PTPRN2: variants seen among roughly 807,000 people sequenced by gnomAD.
PTPRN2 encodes protein tyrosine phosphatase receptor type N2.
Under a neutral mutation model 118.8 loss-of-function variants are expected in PTPRN2, and 74 were observed. The ratio of observed to expected loss-of-function variants is 0.62; its 90% CI spans 0.52 to 0.76. PTPRN2 has a LOEUF of 0.76. Among genes scored for constraint, PTPRN2 ranks in the 30% least tolerant of loss-of-function variants. PTPRN2 has a pLI of 0.00. For synonymous variants in PTPRN2, 641 were observed against 608.0 expected (o/e 1.05, Z -0.80); for missense variants, 1,481 against 1,394.4 (o/e 1.06, Z -0.99).
At chr7:158,207,174 T>C (rs1397453981) in intron 3 of PTPRN2, among the ~76,000 whole-genome samples, 1 of 143,986 alleles carries the variant, frequency 6.9e-6, no homozygotes, top group Non-Finnish European at 1.5e-5. Flanking sequence ...TTCCATGGTG[T>C]ATATGTGCCA....
intron 8 of PTPRN2, among the ~76,000 whole-genome samples, chr7:158,136,444 T>C (rs1202174061): frequency 6.6e-6 from 1 of 152,208 alleles, no homozygotes; most frequent in East Asian, 1.9e-4. Context: ...ATAAATTAGG[T>C]TATAATTTGA....
intron 2 of PTPRN2, among the ~76,000 whole-genome samples, chr7:158,384,461 C>G (rs752397557): frequency 2.5e-4 from 38 of 152,170 alleles, no homozygotes; most frequent in Non-Finnish European, 5.4e-4. Context: ...TGACAGTATC[C>G]ACAGTGTGAG....
chr7:157,725,353 ACAGAGGAG>A (rs1799496580), intron 12 of PTPRN2, among the ~76,000 whole-genome samples: 8 of 23,844 alleles, frequency 3.4e-4, no homozygotes, highest in South Asian at 1.9e-3. Context: ...ATATCTACAC[ACAGAGGAG>A]TGTGGCCAGA....
At chr7:158,446,633 A>G (rs960827247) in intron 2 of PTPRN2, among the ~76,000 whole-genome samples, 11 of 152,250 alleles carry the variant, frequency 7.2e-5, no homozygotes, top group East Asian at 1.9e-4. Context: ...TGAAAATCCA[A>G]TGGTCCCTGG....
chr7:157,958,677 A>C (rs1218067121), intron 11 of PTPRN2, among the ~76,000 whole-genome samples: 1 of 152,216 alleles, frequency 6.6e-6, no homozygotes, highest in Non-Finnish European at 1.5e-5. Flanking sequence ...CGAAAGAATA[A>C]AATATTTAGG....
rs373724832 is a variant in PTPRN2 at position 158,510,063 on chromosome 7, C to T, written c.113-20278G>A. 1.4e-3 allele frequency among the ~76,000 whole-genome samples: 210 copies of T among 152,282 alleles called. 5 individuals are homozygous for T. In the South Asian group the frequency reaches 0.041, roughly 30 times the overall value. On this transcript the variant is annotated intron_variant, in intron 1 of 22. Transcript: ENST00000389418. The stretch of plus-strand genomic sequence containing the variant: ...CCAGAGCTGCTAAGGAGACAGTGTT[C>T]GCAGATCTTGGATCAGTGGAGACAC...
intron 1 of PTPRN2, among the ~76,000 whole-genome samples, chr7:158,522,498 A>T (rs1167002945): frequency 6.6e-6 from 1 of 151,048 alleles, no homozygotes; most frequent in East Asian, 1.9e-4. Context: ...TTTAAGAGGA[A>T]GGTCCACGTC....
chr7:157,540,484 T>C lies in PTPRN2; in HGVS notation c.*230A>G, dbSNP rs2116926557. On this transcript the variant is annotated 3_prime_UTR_variant, in exon 23 of 23. Coordinates refer to ENST00000389418, the MANE Select transcript of PTPRN2 (RefSeq NM_002847.5). ...GTATTTTTTTTAAGCAAGTGAAAAT[T>C]GATGAACCGATTCCCCTCCACCCGT... is the stretch of plus-strand genomic sequence containing the variant. 2.5e-6 allele frequency: 1 copy of C among 399,746 alleles called. No homozygotes were observed. Among genetic ancestry groups the C allele is most frequent in the East Asian group, 3.8e-5 (1 of 26,648 alleles). The allele number at this position is 399,746 out of a possible 1,614,324, so 24.8% of individuals were successfully genotyped here.
At chr7:157,726,132 A>C (rs13309294) in intron 12 of PTPRN2, among the ~76,000 whole-genome samples, 12 of 44,646 alleles carry the variant, frequency 2.7e-4, no homozygotes, top group African/African-American at 4.2e-4. Flanking sequence ...ATGCAGAGGA[A>C]TGAGCCAGAC....
intron 2 of PTPRN2, among the ~76,000 whole-genome samples, chr7:158,362,006 G>A (rs907285550): frequency 2.6e-5 from 4 of 152,216 alleles, no homozygotes; most frequent in South Asian, 2.1e-4. Context: ...CTTCCCCATC[G>A]TGGGTTCCAT....
In PTPRN2 at chr7:157,615,401, C is replaced by T; in HGVS notation, c.2344+5961G>A. 4.3e-6 allele frequency: 2 copies of T among 470,472 alleles called. No homozygotes were observed. Among genetic ancestry groups the T allele is most frequent in the South Asian group, 3.1e-5 (2 of 64,492 alleles). 29.1% of individuals were successfully genotyped at this position (470,472 alleles called of 1,614,324 possible). On this transcript the variant is annotated intron_variant, in intron 15 of 22. Coordinates refer to ENST00000389418, the MANE Select transcript of PTPRN2 (RefSeq NM_002847.5). The surrounding 1 kb of genome is among the most constrained non-coding windows in gnomAD (Gnocchi z 4.3). ...TAACCTCCTTCAGCCCCAGCTCTGT[C>T]CCTGTGTGAATCTCAGGGCTGTTTC...
chr7:158,261,967 G>A lies in PTPRN2; in HGVS notation c.277+54852C>T, dbSNP rs1183337523. ...CCCGTGGTGGCTGCGCCGTACTTCT[G>A]CCCCTCCTCCCGCGGTGACTGTGAC... On this transcript the variant is annotated intron_variant, in intron 3 of 22. Transcript: ENST00000389418. 2.0e-5 allele frequency among the ~76,000 whole-genome samples: 3 copies of A among 152,306 alleles called. No individual in the cohort carries two copies. In the East Asian group the frequency reaches 5.8e-4, roughly 29 times the overall value.
At chr7:158,141,093 G>A (rs1004567003) in intron 6 of PTPRN2, among the ~76,000 whole-genome samples, 12 of 152,082 alleles carry the variant, frequency 7.9e-5, no homozygotes, top group African/African-American at 2.6e-4. Flanking sequence ...GTCTCACCAC[G>A]ACCCTCCACC....
intron 6 of PTPRN2, among the ~76,000 whole-genome samples, chr7:158,164,225 A>G (rs1822667269): frequency 6.6e-6 from 1 of 151,986 alleles, no homozygotes; most frequent in African/African-American, 2.4e-5. Flanking sequence ...AGGAGCGCGC[A>G]GGAAGGGCTC....
intron 3 of PTPRN2, among the ~76,000 whole-genome samples, chr7:158,248,810 GCA>G (rs140582130): frequency 0.061 from 778 of 12,686 alleles, 12 homozygotes; most frequent in African/African-American, 0.24. Flanking sequence ...TGACACACGT[GCA>G]CACATGCCAC....
At chr7:158,251,646 TG>T in intron 3 of PTPRN2, among the ~76,000 whole-genome samples, 1 of 109,098 alleles carries the variant, frequency 9.2e-6, no homozygotes, top group Non-Finnish European at 1.8e-5. Context: ...GGTGCACATG[TG>T]GTGTGCACAG....
At chr7:158,001,220 G>T (rs1384550447) in intron 11 of PTPRN2, among the ~76,000 whole-genome samples, 2 of 150,204 alleles carry the variant, frequency 1.3e-5, no homozygotes, top group Non-Finnish European at 3.0e-5. Context: ...GGTGAAGGGT[G>T]GGGGCTGGGA....
At chr7:158,441,341 C>G (rs1817151046) in intron 2 of PTPRN2, among the ~76,000 whole-genome samples, 3 of 109,514 alleles carry the variant, frequency 2.7e-5, no homozygotes, top group Admixed American at 1.9e-4. Flanking sequence ...TGATGGTGAT[C>G]AGTGATGGTG....
chr7:157,683,106 A>C (rs543682336), intron 12 of PTPRN2, among the ~76,000 whole-genome samples, 169 bp from the exon 13 acceptor site: 61 of 152,330 alleles, frequency 4.0e-4, no homozygotes, highest in South Asian at 1.5e-3. Flanking sequence ...GTCAAAGGAG[A>C]AGCAGAAATC....
Sources: gnomAD v4.1 joint callset for allele counts (sites outside exome capture counted in the v4.1 genomes callset) on GRCh38, gnomAD v4.1.1 for gene constraint, Gnocchi (gnomAD v3.1) non-coding constraint, MANE v1.5 for transcripts, NCBI Gene and HGNC (gene_info 2026-07-23, HGNC 2026-07-21) for gene names.